UMODL1: variants seen among roughly 807,000 people sequenced by gnomAD.
The protein encoded by UMODL1 is uromodulin-like 1.
Under a neutral mutation model 136.3 loss-of-function variants are expected in UMODL1, and 128 were observed. The ratio of observed to expected loss-of-function variants is 0.94; its 90% CI spans 0.81 to 1.09. The LOEUF (loss-of-function observed/expected upper bound fraction) is 1.09, where lower values mean the gene tolerates loss of function less well. UMODL1 is among the 50% of genes least tolerant of loss of function. The probability of loss-of-function intolerance (pLI) is 0.00; values close to 1 mark genes in which losing one functional copy is unlikely to be tolerated. For missense variants in UMODL1, 1,766 were observed against 1,725.6 expected (o/e 1.02, Z -0.41); for synonymous variants, 721 against 720.0 (o/e 1.00, Z -0.02).
chr21:42,135,573 C>A (rs1055031263), intron 21 of UMODL1, among the ~76,000 whole-genome samples: 1 of 152,214 alleles, frequency 6.6e-6, no homozygotes, highest in Admixed American at 6.5e-5. Flanking sequence ...GGCGGCACCC[C>A]CCCTTGTGCT....
chr21:42,087,958 T>C (rs536110433), intron 4 of UMODL1, among the ~76,000 whole-genome samples: 3 of 152,336 alleles, frequency 2.0e-5, no homozygotes, highest in South Asian at 2.1e-4. Context: ...ACCAGCCATA[T>C]TGGATTAGAA....
At chr21:42,121,972 C>T (rs2066978620) in intron 16 of UMODL1, among the ~76,000 whole-genome samples, 1 of 152,156 alleles carries the variant, frequency 6.6e-6, no homozygotes, top group African/African-American at 2.4e-5. Flanking sequence ...ATGCAGGGAC[C>T]TGCAGGAGAT....
intron 6 of UMODL1, among the ~76,000 whole-genome samples, chr21:42,094,850 T>G (rs530070955): frequency 8.3e-6 from 1 of 120,548 alleles, no homozygotes; most frequent in South Asian, 3.1e-4. Context: ...ATATGTAAGT[T>G]TCCCGGGTTT....
At chr21:42,109,737 C>A (rs916717777) in intron 10 of UMODL1, 38 bp downstream of exon 10, 9 of 1,592,286 alleles carry the variant, frequency 5.7e-6, no homozygotes, top group Non-Finnish European at 7.7e-6. Context: ...GGGAAGACCC[C>A]CTGCCCGAGA....
chr21:42,096,036 CTG>C (rs1382786021), intron 6 of UMODL1, among the ~76,000 whole-genome samples: 1 of 152,154 alleles, frequency 6.6e-6, no homozygotes, highest in East Asian at 1.9e-4. Context: ...AGCTTGGACA[CTG>C]TGGACCTTAA....
chr21:42,068,719 G>A (rs2066203370), upstream of UMODL1, among the ~76,000 whole-genome samples: 1 of 151,918 alleles, frequency 6.6e-6, no homozygotes, highest in Admixed American at 6.6e-5. This position sits in a 1 kb window ranked among gnomAD's most constrained non-coding sequence, Gnocchi z 5.5. Flanking sequence ...TGAGTGATGT[G>A]GCATATGAGT....
chr21:42,080,106 C>G (rs890820574), intron 2 of UMODL1, among the ~76,000 whole-genome samples: 1 of 152,192 alleles, frequency 6.6e-6, no homozygotes, highest in Admixed American at 6.5e-5. Context: ...CGGATTTACA[C>G]CCCGGATTTT....
At chr21:42,108,163 C>T (rs760363610) in intron 9 of UMODL1, 16 of 400,746 alleles carry the variant, frequency 4.0e-5, no homozygotes, top group Non-Finnish European at 6.2e-5. Flanking sequence ...TGAATCACCA[C>T]GCCCCAAAAT....
At chr21:42,079,752 C>G (rs1231435137) in intron 2 of UMODL1, among the ~76,000 whole-genome samples, 1 of 152,250 alleles carries the variant, frequency 6.6e-6, no homozygotes, top group Non-Finnish European at 1.5e-5. Flanking sequence ...AGGCCCGCGC[C>G]TCCACCACCA....
chr21:42,140,539 T>C (rs190128144), intron 22 of UMODL1, among the ~76,000 whole-genome samples: 1 of 152,286 alleles, frequency 6.6e-6, no homozygotes, highest in East Asian at 1.9e-4. Context: ...GAGCCTTTCT[T>C]ACACTAGTGT....
intron 5 of UMODL1, among the ~76,000 whole-genome samples, chr21:42,089,179 G>A (rs918213544): frequency 6.6e-6 from 1 of 152,152 alleles, no homozygotes. Context: ...CTGGGCTCCC[G>A]TACGGCTTCC....
At chr21:42,111,483 G>A in intron 11 of UMODL1, 23 bp from the exon 12 acceptor site, 2 of 1,613,872 alleles carry the variant, frequency 1.2e-6, no homozygotes, top group Non-Finnish European at 1.7e-6. Context: ...GCCACAGATG[G>A]CCCACTGGCC....
rs1021259885 is a variant in UMODL1, at chr21:42,109,708, C to G, written c.1657+9C>G. On this transcript the variant is annotated intron_variant, in intron 10 of 22. Coordinates refer to ENST00000408910, the MANE Select transcript of UMODL1 (RefSeq NM_001004416.3). ...AGGCCGGGCCTGTGAGGGTACGTGT[C>G]GACCCCCCTGCCGACTCTGGGAAGA... 2 of 1,599,716 alleles carry G rather than the reference C, an allele frequency of 1.3e-6. No individual in the cohort carries two copies. The highest frequency in any genetic ancestry group is 1.3e-5 in the African/African-American group (1 of 74,502).
At chr21:42,098,689 C>T (rs1305712055) in intron 6 of UMODL1, among the ~76,000 whole-genome samples, 3 of 152,152 alleles carry the variant, frequency 2.0e-5, no homozygotes, top group African/African-American at 7.2e-5. Flanking sequence ...ATTGCTTGAA[C>T]CCGGGAGGCA....
intron 5 of UMODL1, among the ~76,000 whole-genome samples, 194 bp from the exon 6 acceptor site, chr21:42,090,104 T>C (rs1017342104): frequency 2.6e-5 from 4 of 152,154 alleles, no homozygotes; most frequent in African/African-American, 9.7e-5. Flanking sequence ...TGGATGACGA[T>C]GGCCAGCAGC....
intron 2 of UMODL1, among the ~76,000 whole-genome samples, chr21:42,080,398 C>T (rs2146430783): frequency 6.6e-6 from 1 of 152,282 alleles, no homozygotes; most frequent in South Asian, 2.1e-4. Context: ...GTGACTCACA[C>T]CTCAGCTACC....
Position 42,113,762 on chromosome 21 carries a change from A to C in UMODL1, c.2294A>C (p.His765Pro), listed in dbSNP as rs373643386. 14 of 1,614,094 alleles carry C rather than the reference A, an allele frequency of 8.7e-6. No individual in the cohort carries two copies. The African/African-American group carries it at 1.3e-4, about 15-fold the overall frequency. Reference protein sequence around the residue: ...TLSGLEPGVLHLVEIMAKACG... With the variant: ...TLSGLEPGVLPLVEIMAKACG... The stretch of plus-strand genomic sequence containing the variant: ...TCGGGGCTGGAGCCTGGGGTCTTGC[A>C]CCTGGTTGAGATCATGGCCAAAGCA... Residue 765 changes from histidine to proline, a missense_variant, in exon 13 of 23, where the codon CAC becomes CCC. By Grantham distance (77) the His-to-Pro change is moderately conservative (BLOSUM62 -2). Transcript: ENST00000408910.
chr21:42,105,521 AG>A (rs2066702606), intron 9 of UMODL1, among the ~76,000 whole-genome samples: 1 of 152,244 alleles, frequency 6.6e-6, no homozygotes, highest in Admixed American at 6.5e-5. Flanking sequence ...ATTTAGAATA[AG>A]GGTGTTTGCA....
intron 1 of UMODL1, among the ~76,000 whole-genome samples, chr21:42,065,479 C>T (rs2066175644): frequency 6.8e-6 from 1 of 147,564 alleles, no homozygotes; most frequent in Non-Finnish European, 1.5e-5. Flanking sequence ...TCTTCACTAT[C>T]TGGAAACAAG....
Sources: gnomAD v4.1 joint callset for allele counts (sites outside exome capture counted in the v4.1 genomes callset) on GRCh38, gnomAD v4.1.1 for gene constraint, Gnocchi (gnomAD v3.1) non-coding constraint, MANE v1.5 for transcripts, NCBI Gene and HGNC (gene_info 2026-07-23, HGNC 2026-07-21) for gene names.